The following RAB5A variants were observed in gnomAD, a reference collection of about 807,000 sequenced individuals.
RAB5A encodes RAB5A, member RAS oncogene family, also known as ras-related protein Rab-5A.
A neutral mutation model predicts 25.7 loss-of-function variants in RAB5A; 8 were observed. The observed-to-expected ratio is 0.31, with a 90% CI of 0.18 to 0.56. The LOEUF (loss-of-function observed/expected upper bound fraction) is 0.56, where lower values mean the gene tolerates loss of function less well. RAB5A is among the 20% of genes least tolerant of loss of function. RAB5A has a pLI of 0.91. For missense variants in RAB5A, 192 were observed against 259.7 expected (o/e 0.74, Z 1.79); for synonymous variants, 98 against 89.8 (o/e 1.09, Z -0.52).
chr3:19,954,560 G>A lies in RAB5A; in HGVS notation c.163+3499G>A, dbSNP rs980412518. 3.3e-5 allele frequency among the ~76,000 whole-genome samples: 5 copies of A among 152,084 alleles called. No homozygotes were observed. The East Asian group carries it at 9.6e-4, about 29-fold the overall frequency. On this transcript the variant is annotated intron_variant, in intron 2 of 5. Transcript: ENST00000273047. ...GCGCTGTGTGCGGTGGCTTGCATCTGTAATCCCAGCACTTTGGGAAGCTGA... is the reference window on the plus strand; with the variant it reads ...GCGCTGTGTGCGGTGGCTTGCATCTATAATCCCAGCACTTTGGGAAGCTGA...
chr3:19,947,433 G>A lies in RAB5A; in HGVS notation c.-182G>A. On this transcript the variant is annotated 5_prime_UTR_variant, in exon 1 of 6. Transcript: ENST00000273047. ...CGACGCCGCCGCCGCCACCACCACC[G>A]CCATAGATACACTCTCATCCTACGG... The A allele has an allele frequency of 6.4e-6, 1 of 157,286 alleles. No homozygotes were observed. The highest frequency in any genetic ancestry group is 1.4e-5 in the Non-Finnish European group (1 of 71,706). 9.7% of individuals were successfully genotyped at this position (157,286 alleles called of 1,614,324 possible).
At chr3:19,960,024 C>T (rs1260185388) in intron 2 of RAB5A, among the ~76,000 whole-genome samples, 2 of 152,070 alleles carry the variant, frequency 1.3e-5, no homozygotes, top group Admixed American at 6.6e-5. Flanking sequence ...TTGGTGGAGG[C>T]TGTGGGATGG....
rs2125175055 is a variant in RAB5A, at chr3:19,947,378, C to T, written c.-237C>T. 6.2e-6 allele frequency: 1 copy of T among 160,880 alleles called. No individual in the cohort carries two copies. Among genetic ancestry groups the T allele is most frequent in the Non-Finnish European group, 1.3e-5 (1 of 74,490 alleles). The allele number at this position is 160,880 out of a possible 1,614,324, so 10.0% of individuals were successfully genotyped here. A position where few individuals can be genotyped will look rare whatever the true frequency, so the allele number is the denominator to read the frequency against. ...ACCACGGCACGAGCCCCGCACAGTC[C>T]AGTGTGAGGGGAGCGGCGCTAAGAG... is the stretch of plus-strand genomic sequence containing the variant. On this transcript the variant is annotated 5_prime_UTR_variant, in exon 1 of 6. Coordinates refer to ENST00000273047, the MANE Select transcript of RAB5A (RefSeq NM_004162.5).
chr3:19,961,537 TATA>T (rs1696584999), intron 2 of RAB5A, among the ~76,000 whole-genome samples: 1 of 152,204 alleles, frequency 6.6e-6, no homozygotes, highest in Non-Finnish European at 1.5e-5. Context: ...AACAAAAGAA[TATA>T]AGACGATTAT....
chr3:19,961,668 CAAA>C (rs1162076514), intron 2 of RAB5A, among the ~76,000 whole-genome samples: 4 of 152,138 alleles, frequency 2.6e-5, no homozygotes, highest in Non-Finnish European at 5.9e-5. Flanking sequence ...TCATGTGAGT[CAAA>C]ATTCAAGAAG....
chr3:19,956,713 T>C (rs1399151239), intron 2 of RAB5A, among the ~76,000 whole-genome samples: 1 of 152,230 alleles, frequency 6.6e-6, no homozygotes, highest in African/African-American at 2.4e-5. Context: ...AGAGAGACTG[T>C]ATCCAGATTG....
In RAB5A at chr3:19,967,518, T is replaced by A. The variant is rs550289138; in HGVS notation, c.164-8083T>A. On this transcript the variant is annotated intron_variant, in intron 2 of 5. Transcript: ENST00000273047. The stretch of plus-strand genomic sequence containing the variant: ...GTTCCTTACATTAATATGTTCTAGC[T>A]TTCAGTCCCTTATCAGATGCTCATT... 3.3e-5 allele frequency among the ~76,000 whole-genome samples: 5 copies of A among 152,336 alleles called. No individual in the cohort carries two copies. In the South Asian group the frequency reaches 1.0e-3, roughly 32 times the overall value.
rs372701791 is a variant in RAB5A, at chr3:19,947,567, A to T, written c.-94+46A>T. ...CCTGCGCAGCGGGGGCCTGGACCCC[A>T]GGTTATCCGCGGTCCCCAGCCTGTC... On this transcript the variant is annotated intron_variant, in intron 1 of 5. Coordinates refer to ENST00000273047, the MANE Select transcript of RAB5A (RefSeq NM_004162.5). 3.9e-5 allele frequency: 6 copies of T among 152,412 alleles called. No individual in the cohort carries two copies. In the East Asian group the frequency reaches 1.2e-3, roughly 30 times the overall value. The allele number at this position is 152,412 out of a possible 1,614,324, so 9.4% of individuals were successfully genotyped here. A position where few individuals can be genotyped will look rare whatever the true frequency, so the allele number is the denominator to read the frequency against.
intron 5 of RAB5A, among the ~76,000 whole-genome samples, chr3:19,982,106 G>T (rs564900803): frequency 6.6e-6 from 1 of 151,898 alleles, no homozygotes; most frequent in Admixed American, 6.6e-5. Flanking sequence ...GCATGGTGGT[G>T]CACACCCTGT....
chr3:19,979,518 C>G (rs955588513), intron 5 of RAB5A, among the ~76,000 whole-genome samples: 9 of 152,050 alleles, frequency 5.9e-5, no homozygotes, highest in Middle Eastern at 3.4e-3. Flanking sequence ...ATCTCCTGAC[C>G]TTGTGATCCG....
chr3:19,957,814 AAAACATC>A (rs1397336024), intron 2 of RAB5A, among the ~76,000 whole-genome samples: 1 of 152,202 alleles, frequency 6.6e-6, no homozygotes, highest in East Asian at 1.9e-4. Context: ...TACATGTATC[AAAACATC>A]ATGTTAATAT....
intron 2 of RAB5A, among the ~76,000 whole-genome samples, chr3:19,967,453 A>G (rs866962474): frequency 1.3e-5 from 2 of 152,014 alleles, no homozygotes; most frequent in Non-Finnish European, 2.9e-5. Context: ...CCCTTTGTCC[A>G]TTTTCTAATC....
At chr3:19,975,214 CAAAAAAAA>C (rs765855763) in intron 2 of RAB5A, among the ~76,000 whole-genome samples, 1 of 114,630 alleles carries the variant, frequency 8.7e-6, no homozygotes, top group African/African-American at 3.4e-5. Flanking sequence ...ACTCTTGTAT[CAAAAAAAA>C]AAAAAAAAAG....
intron 2 of RAB5A, among the ~76,000 whole-genome samples, chr3:19,961,621 A>T (rs967369605): frequency 6.6e-6 from 1 of 152,214 alleles, no homozygotes; most frequent in Non-Finnish European, 1.5e-5. Context: ...GTCACACGCT[A>T]TATTTTAACT....
In RAB5A at chr3:19,964,459, G is replaced by A. The variant is rs184940188; in HGVS notation, c.164-11142G>A. 6.6e-5 allele frequency among the ~76,000 whole-genome samples: 10 copies of A among 152,114 alleles called. No individual in the cohort carries two copies. The East Asian group carries it at 1.4e-3, about 21-fold the overall frequency. Reference sequence around the variant, plus strand: ...TTCAGTTTTGGTACGTTCCTGTTACGTAAATCTAATCTGGTGAGCAGAGAC... The same window carrying A: ...TTCAGTTTTGGTACGTTCCTGTTACATAAATCTAATCTGGTGAGCAGAGAC... On this transcript the variant is annotated intron_variant, in intron 2 of 5. Coordinates refer to ENST00000273047, the MANE Select transcript of RAB5A (RefSeq NM_004162.5).
At chr3:19,949,111 A>C (rs1229439945) in intron 1 of RAB5A, among the ~76,000 whole-genome samples, 1 of 152,232 alleles carries the variant, frequency 6.6e-6, no homozygotes, top group African/African-American at 2.4e-5. Context: ...AAATTGGTAT[A>C]GCCAGGATTA....
At chr3:19,968,217 T>G (rs1323254473) in intron 2 of RAB5A, among the ~76,000 whole-genome samples, 1 of 152,226 alleles carries the variant, frequency 6.6e-6, no homozygotes, top group African/African-American at 2.4e-5. Flanking sequence ...AATTGCTACT[T>G]AATACTTAGT....
rs374226710 is a variant in RAB5A, at chr3:19,957,232, C to T, written c.163+6171C>T. On this transcript the variant is annotated intron_variant, in intron 2 of 5. Transcript: ENST00000273047. ...GTGTAAGCCACTGTGCCCAGCCCAA[C>T]TGTGTTATTTGTGGAAGTTTCTCAG... 5.0e-4 allele frequency among the ~76,000 whole-genome samples: 76 copies of T among 152,206 alleles called. No individual in the cohort carries two copies. In the South Asian group the frequency reaches 0.016, roughly 31 times the overall value.
rs1697006438 is a variant in RAB5A, at chr3:19,985,043, T to C, written c.*1220T>C. On this transcript the variant is annotated 3_prime_UTR_variant, in exon 6 of 6. Coordinates refer to ENST00000273047, the MANE Select transcript of RAB5A (RefSeq NM_004162.5). The stretch of plus-strand genomic sequence containing the variant: ...GAAAGCTACCATGTGTCAGAGATGA[T>C]TTAATCTATTTAAGTGTTGGACTGC... 1 of 216,736 alleles carries C rather than the reference T, an allele frequency of 4.6e-6. No individual in the cohort carries two copies. The allele number at this position is 216,736 out of a possible 1,614,324, so 13.4% of individuals were successfully genotyped here. A position where few individuals can be genotyped will look rare whatever the true frequency, so the allele number is the denominator to read the frequency against.
Sources: gnomAD v4.1 joint callset for allele counts (sites outside exome capture counted in the v4.1 genomes callset) on GRCh38, gnomAD v4.1.1 for gene constraint, MANE v1.5 for transcripts, NCBI Gene and HGNC (gene_info 2026-07-23, HGNC 2026-07-21) for gene names.